MCF2L: variants seen among roughly 807,000 people sequenced by gnomAD.
The protein encoded by MCF2L is guanine nucleotide exchange factor DBS.
MCF2L carries 97 observed loss-of-function variants against 153.4 expected under a neutral mutation model. The ratio of observed to expected loss-of-function variants is 0.63; its 90% CI spans 0.54 to 0.75. The LOEUF is 0.75. Among genes scored for constraint, MCF2L ranks in the 30% least tolerant of loss-of-function variants. The probability of loss-of-function intolerance (pLI) is 0.00; values close to 1 mark genes in which losing one functional copy is unlikely to be tolerated. For synonymous variants in MCF2L, 659 were observed against 632.2 expected, an observed-to-expected ratio of 1.04 and a Z score of -0.64; for missense variants, 1,347 against 1,495.2, an observed-to-expected ratio of 0.90 and a Z score of 1.64.
Position 113,078,753 on chromosome 13 carries a change from C to T in MCF2L, c.1808+14C>T, listed in dbSNP as rs571625960. Reference sequence around the variant, plus strand: ...CATCCTGCGCAGGTGGGTGCGCTGCCCTTCTGTCCTCACAGGGGCCCTCCG... The same window carrying T: ...CATCCTGCGCAGGTGGGTGCGCTGCTCTTCTGTCCTCACAGGGGCCCTCCG... On this transcript the variant is annotated intron_variant, in intron 15 of 29. Transcript: ENST00000535094. 3.8e-6 allele frequency: 6 copies of T among 1,588,380 alleles called. No individual in the cohort carries two copies. Among genetic ancestry groups the T allele is most frequent in the South Asian group, 3.4e-5 (3 of 88,392 alleles).
At position 113,074,363 on chromosome 13, in the gene MCF2L, C is replaced by T; in HGVS notation, c.997-81C>T. 1.3e-6 allele frequency: 2 copies of T among 1,542,398 alleles called. No individual in the cohort carries two copies. Among genetic ancestry groups the T allele is most frequent in the Non-Finnish European group, 1.8e-6 (2 of 1,123,048 alleles). The stretch of plus-strand genomic sequence containing the variant: ...GCCCGACTTTGAATTCTGTCATTTC[C>T]CTGATCTGGAGCACTGGAGTGGGTT... On this transcript the variant is annotated intron_variant, in intron 9 of 29. Coordinates refer to ENST00000535094, the MANE Select transcript of MCF2L (RefSeq NM_001112732.3). This position sits in a 1 kb window ranked among gnomAD's most constrained non-coding sequence, Gnocchi z 4.2.
chr13:112,948,092 A>C (rs887836900), intron 2 of MCF2L, among the ~76,000 whole-genome samples: 1 of 152,214 alleles, frequency 6.6e-6, no homozygotes, highest in African/African-American at 2.4e-5. Flanking sequence ...GGCTGTGGGC[A>C]GTGAGGTTGC....
intron 2 of MCF2L, among the ~76,000 whole-genome samples, chr13:113,015,392 G>A (rs142320074): frequency 1.6e-4 from 25 of 152,338 alleles, no homozygotes; most frequent in African/African-American, 5.3e-4. Flanking sequence ...AACAGGACCC[G>A]TCAGAAAAAA....
Position 112,907,438 on chromosome 13 carries a change from G to C in MCF2L, c.169+5067G>C, listed in dbSNP as rs2081184146. Among the ~76,000 whole-genome samples the C allele has an allele frequency of 6.6e-6, 1 of 152,178 alleles. No individual in the cohort carries two copies. Among genetic ancestry groups the C allele is most frequent in the South Asian group, 2.1e-4 (1 of 4,822 alleles). ...CTCGGTGTTTGTGGCATGGATCGTA[G>C]TCATGGCTTGGTGGAGAATCCTCGG... On this transcript the variant is annotated intron_variant, in intron 2 of 29. Coordinates refer to the MCF2L transcript ENST00000375608. This position sits in a 1 kb window ranked among gnomAD's most constrained non-coding sequence, Gnocchi z 5.1.
At chr13:112,925,959 T>G (rs2081397827) in intron 2 of MCF2L, among the ~76,000 whole-genome samples, 1 of 152,190 alleles carries the variant, frequency 6.6e-6, no homozygotes, top group African/African-American at 2.4e-5. Flanking sequence ...TAATATATGG[T>G]TTCTAAAGTA....
chr13:112,912,322 C>CT lies in MCF2L; in HGVS notation c.169+9963dup, dbSNP rs879287456. ...GTTGCTTAAATCTATTAATTTATTC[C>CT]TTTTTTTTTTTTAGATAGAGCCTCG... is the stretch of plus-strand genomic sequence containing the variant. On this transcript the variant is annotated intron_variant, in intron 2 of 29. Transcript: ENST00000375608. 9.2e-4 allele frequency among the ~76,000 whole-genome samples: 134 copies of CT among 146,042 alleles called. 1 individual carries two copies. Among genetic ancestry groups the CT allele is most frequent in the Admixed American group, 6.2e-4 (9 of 14,532 alleles).
rs191444984 is a variant in MCF2L at position 112,928,276 on chromosome 13, G to A, written c.169+25905G>A. Among the ~76,000 whole-genome samples, 10 of 152,330 alleles carry A rather than the reference G, an allele frequency of 6.6e-5. No homozygotes were observed. In the East Asian group the frequency reaches 1.2e-3, roughly 18 times the overall value. ...CACCGTTTCTGATGTTTTTGCACTCGTTTGAAATTTCTATGATTTAAAGAA... is the reference window on the plus strand; with the variant it reads ...CACCGTTTCTGATGTTTTTGCACTCATTTGAAATTTCTATGATTTAAAGAA... On this transcript the variant is annotated intron_variant, in intron 2 of 29. Transcript: ENST00000375608.
chr13:113,005,134 A>G (rs2083601987), intron 1 of MCF2L, among the ~76,000 whole-genome samples: 1 of 152,256 alleles, frequency 6.6e-6, no homozygotes, highest in Admixed American at 6.5e-5. Flanking sequence ...CACACACAAT[A>G]GAGTGCTGCT....
At chr13:112,923,412 C>T (rs563209298) in intron 2 of MCF2L, among the ~76,000 whole-genome samples, 10 of 151,704 alleles carry the variant, frequency 6.6e-5, no homozygotes, top group South Asian at 4.2e-4. Context: ...TACAGGCGCC[C>T]GCCACCACGC....
chr13:112,947,716 T>C (rs574844488), intron 2 of MCF2L, among the ~76,000 whole-genome samples: 16 of 152,310 alleles, frequency 1.1e-4, no homozygotes, highest in African/African-American at 3.6e-4. Flanking sequence ...CAGGGGTTGC[T>C]GGGCTCAGTT....
intron 18 of MCF2L, among the ~76,000 whole-genome samples, chr13:113,084,336 T>TCCTGAACCCCAGAACCG (rs2142017836): frequency 6.7e-6 from 1 of 148,312 alleles, no homozygotes. Context: ...CCCCAGAACC[T>TCCTGAACCCCAGAACCG]CCTGAACCCC....
chr13:112,902,834 C>G (rs576792745), intron 2 of MCF2L, among the ~76,000 whole-genome samples: 1 of 152,124 alleles, frequency 6.6e-6, no homozygotes, highest in African/African-American at 2.4e-5. Context: ...CCTGCCTGGG[C>G]GTCTGGAATT....
intron 26 of MCF2L, among the ~76,000 whole-genome samples, chr13:113,091,656 C>T (rs1342571051): frequency 9.2e-5 from 14 of 151,424 alleles, no homozygotes; most frequent in East Asian, 6.2e-4. Flanking sequence ...CCAATGAGGC[C>T]GAGCTCCCTG....
intron 2 of MCF2L, among the ~76,000 whole-genome samples, chr13:112,914,508 T>C (rs529788602): frequency 6.6e-6 from 1 of 152,358 alleles, no homozygotes; most frequent in African/African-American, 2.4e-5. Flanking sequence ...TCCCAGAGGC[T>C]GAGTGAAAGA....
intron 4 of MCF2L, among the ~76,000 whole-genome samples, chr13:113,055,089 C>A (rs189403556): frequency 7.1e-4 from 108 of 152,194 alleles, no homozygotes; most frequent in African/African-American, 2.5e-3. Flanking sequence ...TTAATACAAA[C>A]GGTCAACTCC....
intron 4 of MCF2L, among the ~76,000 whole-genome samples, chr13:113,056,791 AGTGTTTGGGTGCTGT>A (rs2029940554): frequency 2.4e-5 from 2 of 84,220 alleles, no homozygotes; most frequent in South Asian, 3.7e-4. Flanking sequence ...TTTGGCACTG[AGTGTTTGGGTGCTGT>A]GTGTTTGGGT....
In MCF2L at chr13:112,943,110, G is replaced by A. The variant is rs944655232; in HGVS notation, c.169+40739G>A. ...TAGCAAAAACCTGGTAAACTTTGAG[G>A]TGAAGGCTGTCAGAAACAGCTGCGA... is the stretch of plus-strand genomic sequence containing the variant. On this transcript the variant is annotated intron_variant, in intron 2 of 29. Coordinates refer to the MCF2L transcript ENST00000375608. This position sits in a 1 kb window ranked among gnomAD's most constrained non-coding sequence, Gnocchi z 4.2. 6.6e-6 allele frequency among the ~76,000 whole-genome samples: 1 copy of A among 152,254 alleles called. No homozygotes were observed. The highest frequency in any genetic ancestry group is 1.5e-5 in the Non-Finnish European group (1 of 68,038).
rs188323662 is a variant in MCF2L, at chr13:113,060,242, G to A, written c.370-351G>A. On this transcript the variant is annotated intron_variant, in intron 4 of 29. Transcript: ENST00000535094. ...GCTTGGTTACCTCTGTAAAGACCGC[G>A]TCACCAGCCAAGGTCACGTTCGGAG... is the stretch of plus-strand genomic sequence containing the variant. 1.6e-4 allele frequency among the ~76,000 whole-genome samples: 25 copies of A among 152,310 alleles called. No individual in the cohort carries two copies. The East Asian group carries it at 4.8e-3, about 29-fold the overall frequency.
chr13:113,060,638 A>T lies in MCF2L; in HGVS notation c.415A>T (p.Thr139Ser), dbSNP rs138170411. Residue 139 changes from threonine to serine, a missense_variant, in exon 5 of 30, where the codon ACG becomes TCG. Physicochemically the swap from Thr to Ser is moderately conservative, Grantham distance 58. Coordinates refer to ENST00000535094, the MANE Select transcript of MCF2L (RefSeq NM_001112732.3). Reference protein sequence around the residue: ...NLQLVLVLRPTGFFQRTLSDI... With the variant: ...NLQLVLVLRPSGFFQRTLSDI... ...GCAGCTCGTCCTCGTGCTTCGCCCG[A>T]CGGGTTTTTTCCAAAGGACTCTCTC... 3.7e-5 allele frequency: 60 copies of T among 1,613,502 alleles called. No homozygotes were observed. Among genetic ancestry groups the T allele is most frequent in the African/African-American group, 1.9e-4 (14 of 74,902 alleles).
Sources: allele counts gnomAD v4.1 joint callset (sites outside exome capture counted in the v4.1 genomes callset), GRCh38; gene constraint gnomAD v4.1.1; non-coding constraint Gnocchi (gnomAD v3.1); transcripts MANE v1.5; gene names NCBI Gene and HGNC (gene_info 2026-07-23, HGNC 2026-07-21).